ZNF536: variants seen among roughly 807,000 people sequenced by gnomAD.
ZNF536 encodes the protein zinc finger protein 536.
In ZNF536, 13 loss-of-function variants were observed where a neutral mutation model predicts 84.5. The ratio of observed to expected loss-of-function variants is 0.15; its 90% confidence interval spans 0.10 to 0.24. ZNF536 has a LOEUF of 0.24. Among genes scored for constraint, ZNF536 ranks in the 10% least tolerant of loss-of-function variants. The probability of loss-of-function intolerance (pLI) is 1.00; values close to 1 mark genes in which losing one functional copy is unlikely to be tolerated. For missense variants in ZNF536, 1,536 were observed against 1,747.5 expected (o/e 0.88, Z 2.16); for synonymous variants, 811 against 742.5 (o/e 1.09, Z -1.50).
chr19:30,465,972 G>A (rs527724456), intron 2 of ZNF536, among the ~76,000 whole-genome samples: 29 of 152,056 alleles, frequency 1.9e-4, no homozygotes, highest in African/African-American at 6.5e-4. Context: ...GGATGGTCTC[G>A]ATCTCCTGAC....
chr19:30,634,168 G>A (rs1047764337), intron 1 of ZNF536, among the ~76,000 whole-genome samples: 1 of 152,108 alleles, frequency 6.6e-6, no homozygotes, highest in Admixed American at 6.6e-5. Flanking sequence ...CCTCTTGGTG[G>A]AGCATGAAGA....
At chr19:30,342,550 C>T (rs1022152232) in intron 2 of ZNF536, among the ~76,000 whole-genome samples, 6 of 152,114 alleles carry the variant, frequency 3.9e-5, no homozygotes, top group Non-Finnish European at 8.8e-5. Flanking sequence ...CAGGAAAAGA[C>T]AAACTGCTAC....
At chr19:30,392,603 T>A (rs2049644358) in intron 1 of ZNF536, among the ~76,000 whole-genome samples, 1 of 151,856 alleles carries the variant, frequency 6.6e-6, no homozygotes, top group Admixed American at 6.5e-5. Context: ...GTGATTTCCA[T>A]TTTTTCTAGG....
At chr19:30,508,969 A>C (rs556836722) in intron 2 of ZNF536, among the ~76,000 whole-genome samples, 1 of 149,896 alleles carries the variant, frequency 6.7e-6, no homozygotes, top group Non-Finnish European at 1.5e-5. Context: ...CTGGGAGCAC[A>C]GTTGTGTGCC....
At chr19:30,315,584 C>T (rs934469315) in intron 2 of ZNF536, among the ~76,000 whole-genome samples, 1 of 152,130 alleles carries the variant, frequency 6.6e-6, no homozygotes, top group African/African-American at 2.4e-5. Context: ...TGAAGGGTTT[C>T]GTGTTTCAGT....
At chr19:30,592,576 G>A (rs1025328612) in intron 1 of ZNF536, among the ~76,000 whole-genome samples, 2 of 152,102 alleles carry the variant, frequency 1.3e-5, no homozygotes, top group African/African-American at 4.8e-5. Context: ...CTAATTGACT[G>A]AACAAGACGT....
At chr19:30,707,167 C>A (rs145145857) in intron 1 of ZNF536, among the ~76,000 whole-genome samples, 55 of 152,174 alleles carry the variant, frequency 3.6e-4, no homozygotes, top group Admixed American at 9.8e-4. Flanking sequence ...TTGGCCAGGA[C>A]GATCTACTTG....
intron 3 of ZNF536, among the ~76,000 whole-genome samples, chr19:30,365,203 G>T (rs981034241): frequency 2.0e-5 from 3 of 152,252 alleles, no homozygotes; most frequent in East Asian, 3.9e-4. Flanking sequence ...AAGGACTTGC[G>T]CCAGCATTTG....
At chr19:30,689,313 A>G (rs2051316185) in intron 1 of ZNF536, among the ~76,000 whole-genome samples, 1 of 152,236 alleles carries the variant, frequency 6.6e-6, no homozygotes, top group Admixed American at 6.5e-5. Context: ...AGATTCAATG[A>G]GACATTGATT....
intron 3 of ZNF536, among the ~76,000 whole-genome samples, chr19:30,360,159 G>A (rs1028238265): frequency 2.6e-5 from 4 of 152,212 alleles, no homozygotes; most frequent in Non-Finnish European, 4.4e-5. Context: ...TCCTTCTACC[G>A]AAAGTACCAC....
At chr19:30,549,628 G>GA in intron 4 of ZNF536, 114 bp downstream of exon 4, 3 of 1,246,872 alleles carry the variant, frequency 2.4e-6, no homozygotes, top group Non-Finnish European at 3.2e-6. Context: ...TGAAATATTT[G>GA]AAAAAACCCT....
rs2146199515 is a variant in ZNF536 at position 30,548,393 on chromosome 19, T to C, written c.2774T>C (p.Phe925Ser). Residue 925 changes from phenylalanine (F) to serine (S), a missense_variant, in exon 4 of 5, where the codon TTT becomes TCT. Phe to Ser is a radical substitution (Grantham distance 155). This residue lies in a region of ZNF536 where 624 missense variants were observed against 603.1 expected (regional missense o/e 1.03). Transcript: ENST00000355537. The part of the protein sequence containing the change: ...QGSLQAFMDS[F>S]VLSSLKKEKD... The stretch of plus-strand genomic sequence containing the variant: ...TCCTTGCAAGCTTTCATGGACAGTT[T>C]TGTCCTCAGTTCCTTGAAGAAGGAG... The C allele has an allele frequency of 6.2e-7, 1 of 1,614,226 alleles. No homozygotes were observed. Among genetic ancestry groups the C allele is most frequent in the Non-Finnish European group, 8.5e-7 (1 of 1,180,036 alleles).
chr19:30,374,000 C>T (rs961376648), intron 1 of ZNF536, among the ~76,000 whole-genome samples: 5 of 152,194 alleles, frequency 3.3e-5, no homozygotes, highest in Non-Finnish European at 5.9e-5. Flanking sequence ...CCGATTCGCT[C>T]TTTGCAAAGA....
chr19:30,235,798 T>C (rs2023449375), intron 1 of ZNF536, among the ~76,000 whole-genome samples: 1 of 152,270 alleles, frequency 6.6e-6, no homozygotes, highest in Admixed American at 6.5e-5. Flanking sequence ...GAAGTCTTAC[T>C]GCAATTAGAG....
chr19:30,593,055 C>A (rs1220820448), intron 1 of ZNF536, among the ~76,000 whole-genome samples: 2 of 152,210 alleles, frequency 1.3e-5, no homozygotes, highest in Non-Finnish European at 2.9e-5. Flanking sequence ...TTCGTGCAAA[C>A]GCTGTCAGGT....
chr19:30,525,066 A>G (rs766468685), intron 2 of ZNF536, among the ~76,000 whole-genome samples: 1 of 152,156 alleles, frequency 6.6e-6, no homozygotes, highest in Non-Finnish European at 1.5e-5. Context: ...TTAACCAGGA[A>G]GGAATTGAGT....
chr19:30,438,134 G>T (rs566123375), intron 1 of ZNF536, among the ~76,000 whole-genome samples: 2 of 152,190 alleles, frequency 1.3e-5, no homozygotes, highest in African/African-American at 4.8e-5. Context: ...GTGTATGTTT[G>T]TTAAGTTACA....
At chr19:30,658,175 C>T (rs914797387) in intron 1 of ZNF536, among the ~76,000 whole-genome samples, 1 of 152,110 alleles carries the variant, frequency 6.6e-6, no homozygotes, top group African/African-American at 2.4e-5. Flanking sequence ...GTGTGCATCA[C>T]CATGCCTGGC....
chr19:30,242,255 A>T (rs1025362707), intron 1 of ZNF536, among the ~76,000 whole-genome samples: 22 of 152,288 alleles, frequency 1.4e-4, no homozygotes, highest in African/African-American at 5.3e-4. Context: ...GTGAGAAGAT[A>T]AAGTTAGCTA....
Sources: gnomAD v4.1 joint callset for allele counts (sites outside exome capture counted in the v4.1 genomes callset) on GRCh38, gnomAD v4.1.1 for gene constraint, gnomAD v4.1.1 regional missense constraint, MANE v1.5 for transcripts, NCBI Gene and HGNC (gene_info 2026-07-23, HGNC 2026-07-21) for gene names.